Variants in C1orf87 observed in about 807,000 individuals in gnomAD.
The protein encoded by C1orf87 is uncharacterized protein C1orf87.
Under a neutral mutation model 60.5 loss-of-function variants are expected in C1orf87, and 58 were observed. That is an observed-to-expected ratio of 0.96 (90% CI 0.78 to 1.19). The LOEUF is 1.19. Among genes scored for constraint, C1orf87 ranks in the 50% most tolerant of loss-of-function variants. The pLI, the probability that C1orf87 is intolerant of heterozygous loss-of-function variation, is 0.00. For missense variants in C1orf87, 673 were observed against 638.6 expected (o/e 1.05, Z -0.58); for synonymous variants, 236 against 227.4 (o/e 1.04, Z -0.34).
intron 2 of C1orf87, among the ~76,000 whole-genome samples, chr1:60,070,481 A>G (rs771646333): frequency 1.3e-5 from 2 of 152,188 alleles, no homozygotes; most frequent in African/African-American, 4.8e-5. Context: ...GGGAAGACAG[A>G]TTCTGCAGCA....
intron 9 of C1orf87, among the ~76,000 whole-genome samples, chr1:60,005,403 T>C (rs1008750766): frequency 1.3e-5 from 2 of 151,830 alleles, no homozygotes; most frequent in African/African-American, 4.8e-5. Flanking sequence ...AAGAGATGCA[T>C]CAAAGAATGT....
intron 2 of C1orf87, among the ~76,000 whole-genome samples, chr1:60,056,500 T>A (rs17120064): frequency 0.01 from 1,594 of 152,278 alleles, 41 homozygotes; most frequent in African/African-American, 0.036. Flanking sequence ...ATAAAGGGTA[T>A]GAAGTCATTA....
At chr1:60,041,442 G>A (rs1163938007) in intron 3 of C1orf87, among the ~76,000 whole-genome samples, 1 of 152,182 alleles carries the variant, frequency 6.6e-6, no homozygotes. Flanking sequence ...ATAGGCAAAT[G>A]TGGGGTTCTT....
intron 8 of C1orf87, among the ~76,000 whole-genome samples, chr1:60,018,036 A>G (rs962325437): frequency 4.6e-5 from 7 of 152,196 alleles, no homozygotes; most frequent in Non-Finnish European, 1.0e-4. Flanking sequence ...AAGGACATTT[A>G]GTCAGGAAGC....
At chr1:60,045,503 A>T (rs926584154) in intron 3 of C1orf87, among the ~76,000 whole-genome samples, 1 of 152,222 alleles carries the variant, frequency 6.6e-6, no homozygotes, top group African/African-American at 2.4e-5. Flanking sequence ...AAAAACAGGC[A>T]CATGTGGAGA....
chr1:60,066,762 G>T (rs1645549329), intron 2 of C1orf87, among the ~76,000 whole-genome samples: 1 of 151,876 alleles, frequency 6.6e-6, no homozygotes, highest in Non-Finnish European at 1.5e-5. Context: ...ATGCCATGGT[G>T]GTTTGCTGCA....
chr1:60,022,147 A>G (rs1645168159), intron 8 of C1orf87, among the ~76,000 whole-genome samples: 1 of 149,136 alleles, frequency 6.7e-6, no homozygotes, highest in Admixed American at 6.7e-5. Flanking sequence ...GTGTAATAAC[A>G]TACTCTTGCA....
intron 9 of C1orf87, among the ~76,000 whole-genome samples, chr1:60,003,249 C>T (rs1433070861): frequency 1.4e-5 from 2 of 139,936 alleles, no homozygotes; most frequent in Admixed American, 7.7e-5. Context: ...CATATTCTCA[C>T]TCATAGGTGG....
chr1:60,068,197 C>A (rs188827983), intron 2 of C1orf87, among the ~76,000 whole-genome samples: 3 of 152,192 alleles, frequency 2.0e-5, no homozygotes, highest in Admixed American at 6.5e-5. Flanking sequence ...GCCTCCACAT[C>A]TCTCTGTCTG....
chr1:60,039,809 AT>A, intron 5 of C1orf87, 107 bp downstream of exon 5: 1 of 1,261,072 alleles, frequency 7.9e-7, no homozygotes, highest in Non-Finnish European at 1.1e-6. Context: ...GTAGTCAGGG[AT>A]AAAAGTTATT....
At chr1:60,006,435 C>T (rs578053033) in intron 9 of C1orf87, among the ~76,000 whole-genome samples, 1 of 152,024 alleles carries the variant, frequency 6.6e-6, no homozygotes, top group African/African-American at 2.4e-5. Flanking sequence ...GTATTTTTTT[C>T]CTTAGTAAAA....
At chr1:60,010,298 C>T in intron 9 of C1orf87, 94 bp downstream of exon 9, 1 of 1,142,440 alleles carries the variant, frequency 8.8e-7, no homozygotes, top group Non-Finnish European at 1.3e-6. Flanking sequence ...TGAGATGAAA[C>T]CCAACAAGCA....
intron 8 of C1orf87, among the ~76,000 whole-genome samples, chr1:60,023,191 T>A (rs932420912): frequency 3.3e-5 from 5 of 152,182 alleles, no homozygotes; most frequent in Non-Finnish European, 5.9e-5. Flanking sequence ...ATTTCTTGTG[T>A]CTGAAGTTCA....
Position 60,041,091 on chromosome 1 carries a change from G to A in C1orf87, c.383C>T (p.Thr128Ile), listed in dbSNP as rs1645321345. ...QANVHCSSVP[T>I]GDQSLSYVHG... ...CACATAGGATAAGGACTGGTCTCCG[G>A]TTGGTACAGAGCTGCAGTGGACATT... is the stretch of plus-strand genomic sequence containing the variant. Residue 128 changes from threonine (T) to isoleucine (I), a missense_variant, in exon 4 of 12, where the codon ACC (threonine) becomes ATC (isoleucine). By Grantham distance (89) the Thr-to-Ile change is moderately conservative. Coordinates refer to ENST00000371201, the MANE Select transcript of C1orf87 (RefSeq NM_152377.3). 1.9e-6 allele frequency: 3 copies of A among 1,611,824 alleles called. No homozygotes were observed. The highest frequency in any genetic ancestry group is 2.7e-5 in the African/African-American group (2 of 74,894).
chr1:60,026,419 T>A (rs1557465708), intron 7 of C1orf87, among the ~76,000 whole-genome samples: 1 of 151,980 alleles, frequency 6.6e-6, no homozygotes, highest in Non-Finnish European at 1.5e-5. Flanking sequence ...TATTAGGCAT[T>A]TGATTAATAT....
intron 7 of C1orf87, among the ~76,000 whole-genome samples, chr1:60,032,825 T>A (rs932937882): frequency 6.6e-6 from 1 of 152,190 alleles, no homozygotes; most frequent in Admixed American, 6.5e-5. Flanking sequence ...TTTGTAAGTG[T>A]TACATGAGAT....
intron 9 of C1orf87, 56 bp downstream of exon 9, chr1:60,010,336 A>C: frequency 6.8e-7 from 1 of 1,469,478 alleles, no homozygotes; most frequent in Non-Finnish European, 9.5e-7. Flanking sequence ...AGCATAGTCA[A>C]CAATAGCTGT....
At chr1:60,042,676 A>G (rs998508112) in intron 3 of C1orf87, among the ~76,000 whole-genome samples, 2 of 152,234 alleles carry the variant, frequency 1.3e-5, no homozygotes, top group African/African-American at 4.8e-5. Flanking sequence ...AATACAAGGT[A>G]GGTAGTACTA....
At chr1:60,027,362 C>T (rs189309925) in intron 7 of C1orf87, among the ~76,000 whole-genome samples, 6 of 152,304 alleles carry the variant, frequency 3.9e-5, no homozygotes, top group Admixed American at 3.3e-4. Context: ...AGCCTGTTTA[C>T]CCTGCTCTGC....
Sources: gnomAD v4.1 joint callset for allele counts (sites outside exome capture counted in the v4.1 genomes callset) on GRCh38, gnomAD v4.1.1 for gene constraint, MANE v1.5 for transcripts, NCBI Gene and HGNC (gene_info 2026-07-23, HGNC 2026-07-21) for gene names.